The following UTRN variants were observed in gnomAD, a reference collection of about 807,000 sequenced individuals.
UTRN encodes the protein utrophin.
UTRN carries 283 observed loss-of-function variants against 463.9 expected under a neutral mutation model. The observed-to-expected ratio is 0.61, with a 90% CI of 0.55 to 0.67. UTRN has a LOEUF of 0.67. UTRN is among the 30% of genes least tolerant of loss of function. The pLI, the probability that UTRN is intolerant of heterozygous loss-of-function variation, is 0.00. For synonymous variants in UTRN, 1,442 were observed against 1,431.5 expected (o/e 1.01, Z -0.17); for missense variants, 3,922 against 4,084.3 (o/e 0.96, Z 1.08).
intron 16 of UTRN, 68 bp downstream of exon 16, chr6:144,447,849 G>A: frequency 6.8e-7 from 1 of 1,466,348 alleles, no homozygotes; most frequent in Non-Finnish European, 9.1e-7. Flanking sequence ...GTTCAGGTTA[G>A]TTTTAATTTG....
intron 2 of UTRN, among the ~76,000 whole-genome samples, chr6:144,320,321 C>T (rs1775561142): frequency 6.6e-6 from 1 of 152,090 alleles, no homozygotes; most frequent in South Asian, 2.1e-4. Context: ...ACTATTACGT[C>T]CTGGCTTCAT....
intron 6 of UTRN, among the ~76,000 whole-genome samples, chr6:144,424,348 A>G (rs1365884998): frequency 6.6e-6 from 1 of 152,202 alleles, no homozygotes; most frequent in Non-Finnish European, 1.5e-5. Flanking sequence ...GGCCTGTGAT[A>G]ACATAGCTCC....
chr6:144,458,743 G>A lies in UTRN; in HGVS notation c.2285-27G>A, dbSNP rs763278706. 2.6e-6 allele frequency: 4 copies of A among 1,555,314 alleles called. No individual in the cohort carries two copies. In the Admixed American group the frequency reaches 6.1e-5, roughly 24 times the overall value. On this transcript the variant is annotated intron_variant, in intron 19 of 74. Coordinates refer to ENST00000367545, the MANE Select transcript of UTRN (RefSeq NM_007124.3). The stretch of plus-strand genomic sequence containing the variant: ...AGACACATTTTGTAATATATAGACT[G>A]TTTGCTTGTTTTTCATGTCTGCATA...
intron 25 of UTRN, among the ~76,000 whole-genome samples, chr6:144,477,541 C>CAG (rs1791352133): frequency 6.7e-6 from 1 of 149,810 alleles, no homozygotes; most frequent in African/African-American, 2.5e-5. Context: ...TATACACACA[C>CAG]ACACACACAC....
chr6:144,712,618 C>T (rs537078667), intron 53 of UTRN, among the ~76,000 whole-genome samples: 1 of 152,314 alleles, frequency 6.6e-6, no homozygotes, highest in African/African-American at 2.4e-5. Flanking sequence ...AGGTGCCAAG[C>T]ATGCATGAGT....
intron 51 of UTRN, among the ~76,000 whole-genome samples, chr6:144,608,352 A>T (rs1197695403): frequency 3.3e-5 from 5 of 152,168 alleles, no homozygotes; most frequent in African/African-American, 1.2e-4. Flanking sequence ...CATGTGAGCC[A>T]ATTTCCTAAA....
At chr6:144,337,199 C>CACACACAG (rs1157422467) in intron 2 of UTRN, among the ~76,000 whole-genome samples, 7 of 129,128 alleles carry the variant, frequency 5.4e-5, no homozygotes, top group Middle Eastern at 3.5e-3. Flanking sequence ...ACACACCACA[C>CACACACAG]ACACACACAC....
chr6:144,403,472 G>T (rs1783105622), intron 3 of UTRN, among the ~76,000 whole-genome samples: 1 of 152,170 alleles, frequency 6.6e-6, no homozygotes, highest in African/African-American at 2.4e-5. Context: ...TCTTGGAAAA[G>T]AATATATCAT....
intron 51 of UTRN, among the ~76,000 whole-genome samples, chr6:144,635,514 CTTTTTTTTTTTTTTTCTTTTCTTTTTTT>C (rs1216326598): frequency 3.2e-4 from 26 of 80,012 alleles, no homozygotes; most frequent in Admixed American, 7.7e-4. Flanking sequence ...CTTTTTTTTT[CTTTTTTTTTTTTTTTCTTTTCTTTTTTT>C]TTTTTTTTTT....
At chr6:144,558,330 G>C (rs946574969) in intron 50 of UTRN, among the ~76,000 whole-genome samples, 3 of 152,052 alleles carry the variant, frequency 2.0e-5, no homozygotes, top group African/African-American at 7.2e-5. Context: ...AATAAGACTG[G>C]GTTAGCAAAG....
At chr6:144,622,171 A>ATTTTT (rs758978823) in intron 51 of UTRN, among the ~76,000 whole-genome samples, 1 of 90,656 alleles carries the variant, frequency 1.1e-5, no homozygotes, top group Non-Finnish European at 2.3e-5. Context: ...GATGGTATCC[A>ATTTTT]TTTTTTTTTG....
At chr6:144,734,346 A>G (rs1296225829) in intron 54 of UTRN, among the ~76,000 whole-genome samples, 1 of 152,226 alleles carries the variant, frequency 6.6e-6, no homozygotes, top group Admixed American at 6.5e-5. Context: ...AGAAACTGAT[A>G]TTATCAGCAG....
chr6:144,428,919 C>A, intron 8 of UTRN, 26 bp downstream of exon 8: 1 of 1,463,834 alleles, frequency 6.8e-7, no homozygotes, highest in Non-Finnish European at 9.4e-7. Flanking sequence ...TAATTTCCAC[C>A]TTGATTTTGC....
chr6:144,772,599 A>G (rs539991559), intron 59 of UTRN, among the ~76,000 whole-genome samples: 1 of 152,292 alleles, frequency 6.6e-6, no homozygotes, highest in East Asian at 1.9e-4. Context: ...ATATATAGAT[A>G]TACAATTACA....
intron 2 of UTRN, among the ~76,000 whole-genome samples, chr6:144,391,894 C>A (rs7746600): frequency 0.11 from 16,497 of 152,226 alleles, 985 homozygotes; most frequent in Admixed American, 0.17. Flanking sequence ...CCCTCCTTGG[C>A]CTCCCAAAGT....
intron 2 of UTRN, among the ~76,000 whole-genome samples, chr6:144,358,717 C>T (rs1408285667): frequency 2.0e-5 from 3 of 152,166 alleles, no homozygotes; most frequent in South Asian, 4.1e-4. Context: ...GTGATCCTCC[C>T]ACTTCAGTCT....
chr6:144,643,970 C>T (rs746190709), intron 51 of UTRN, among the ~76,000 whole-genome samples: 1 of 152,118 alleles, frequency 6.6e-6, no homozygotes, highest in African/African-American at 2.4e-5. Flanking sequence ...TTATTTTCAT[C>T]ATCTTCCTGA....
At chr6:144,740,565 A>ATTAGT (rs1586318829) in intron 54 of UTRN, among the ~76,000 whole-genome samples, 1 of 152,354 alleles carries the variant, frequency 6.6e-6, no homozygotes, top group East Asian at 1.9e-4. Flanking sequence ...TAATGCATGA[A>ATTAGT]AAAGCGCAGA....
At chr6:144,626,831 C>T (rs1292480896) in intron 51 of UTRN, among the ~76,000 whole-genome samples, 1 of 151,988 alleles carries the variant, frequency 6.6e-6, no homozygotes, top group African/African-American at 2.4e-5. Flanking sequence ...GTAGAGATGG[C>T]GTTTCACCGT....
Sources: allele counts gnomAD v4.1 joint callset (sites outside exome capture counted in the v4.1 genomes callset), GRCh38; gene constraint gnomAD v4.1.1; transcripts MANE v1.5; gene names NCBI Gene and HGNC (gene_info 2026-07-23, HGNC 2026-07-21).